TIAM2: variants seen among roughly 807,000 people sequenced by gnomAD.
The protein encoded by TIAM2 is rho guanine nucleotide exchange factor TIAM2.
TIAM2 carries 80 observed loss-of-function variants against 152.9 expected under a neutral mutation model. The observed-to-expected ratio is 0.52, with a 90% CI of 0.44 to 0.63. The LOEUF (loss-of-function observed/expected upper bound fraction) is 0.63. TIAM2 is among the 30% of genes least tolerant of loss of function. TIAM2 has a pLI of 0.00. For missense variants in TIAM2, 1,965 were observed against 2,120.1 expected, an observed-to-expected ratio of 0.93 and a Z score of 1.44; for synonymous variants, 804 against 838.0, an observed-to-expected ratio of 0.96 and a Z score of 0.70.
intron 2 of TIAM2, among the ~76,000 whole-genome samples, chr6:155,110,168 G>A (rs1326055288): frequency 6.6e-6 from 1 of 151,770 alleles, no homozygotes; most frequent in Non-Finnish European, 1.5e-5. Flanking sequence ...GGCCAGGCTG[G>A]TCTTGAACTC....
intron 1 of TIAM2, 99 bp from the exon 2 acceptor site, chr6:155,090,190 A>C (rs1778270161): frequency 6.6e-6 from 1 of 152,226 alleles, no homozygotes; most frequent in Admixed American, 6.5e-5. Flanking sequence ...ATCAAGCCCA[A>C]GATACAACAG....
At chr6:155,135,421 C>T (rs1460142161) in intron 4 of TIAM2, among the ~76,000 whole-genome samples, 2 of 152,126 alleles carry the variant, frequency 1.3e-5, no homozygotes, top group South Asian at 2.1e-4. Context: ...TAATCAAAAG[C>T]CCACTAGCAG....
chr6:155,161,047 AG>A (rs1387194104), intron 7 of TIAM2, among the ~76,000 whole-genome samples: 1 of 152,182 alleles, frequency 6.6e-6, no homozygotes, highest in Admixed American at 6.5e-5. Context: ...AACAAACCTA[AG>A]CATCTGGGTC....
rs1382751482 is a variant in TIAM2 at position 155,027,863 on chromosome 6, T to C, written c.-209+32371T>C. ...TATATATAATATATGTACTGTGTTA[T>C]ATACTATATAATATATGTACTGTGT... On this transcript the variant is annotated intron_variant, in intron 1 of 26. Coordinates refer to ENST00000682666, the MANE Select transcript of TIAM2 (RefSeq NM_012454.4). Among the ~76,000 whole-genome samples the C allele has an allele frequency of 2.9e-5, 3 of 104,174 alleles. 1 individual carries two copies. The highest frequency in any genetic ancestry group is 5.4e-5 in the Non-Finnish European group (3 of 55,172). The allele number at this position is 104,174 out of a possible 152,430, so 68.3% of individuals were successfully genotyped here.
At chr6:155,206,837 G>T (rs1378196968) in intron 14 of TIAM2, among the ~76,000 whole-genome samples, 1 of 152,132 alleles carries the variant, frequency 6.6e-6, no homozygotes, top group Non-Finnish European at 1.5e-5. Context: ...AGACAAAAGG[G>T]TATATTAACC....
At position 155,144,824 on chromosome 6, in the gene TIAM2, T is replaced by C. The variant is rs771203307; in HGVS notation, c.1803+46T>C. On this transcript the variant is annotated intron_variant, in intron 6 of 26. Coordinates refer to ENST00000682666, the MANE Select transcript of TIAM2 (RefSeq NM_012454.4). ...GTGGAGGTAATAGCTTATGTACTGC[T>C]AGAATAAGAAGGAACAGAAAAGGCA... 5.2e-6 allele frequency: 8 copies of C among 1,541,596 alleles called. No homozygotes were observed. In the East Asian group the frequency reaches 1.9e-4, roughly 37 times the overall value.
At chr6:155,080,324 G>A (rs1778035687) in intron 1 of TIAM2, among the ~76,000 whole-genome samples, 1 of 151,940 alleles carries the variant, frequency 6.6e-6, no homozygotes, top group Non-Finnish European at 1.5e-5. Context: ...TACGGAGAGT[G>A]CTTAAGAGAG....
At chr6:155,116,401 A>G (rs1347069330) in intron 2 of TIAM2, among the ~76,000 whole-genome samples, 2 of 145,438 alleles carry the variant, frequency 1.4e-5, no homozygotes, top group South Asian at 2.1e-4. Context: ...TGACTCTCAA[A>G]CAAGGCAAAA....
intron 1 of TIAM2, among the ~76,000 whole-genome samples, chr6:155,046,587 G>A (rs1777181747): frequency 1.3e-5 from 2 of 151,998 alleles, no homozygotes; most frequent in South Asian, 2.1e-4. Flanking sequence ...CATCCACCTC[G>A]GCCTCCCAAA....
At chr6:155,171,707 C>CAT (rs920557784) in intron 9 of TIAM2, among the ~76,000 whole-genome samples, 2 of 152,124 alleles carry the variant, frequency 1.3e-5, no homozygotes, top group African/African-American at 4.8e-5. Flanking sequence ...CCCTACATAG[C>CAT]ATATATATAT....
At position 155,245,688 on chromosome 6, in the gene TIAM2, A is replaced by G. The variant is rs1783276937; in HGVS notation, c.3609A>G (p.Gly1203=). The change falls in exon 19 of 27, where the codon GGA becomes GGG. Residue 1203 remains glycine (G), a synonymous_variant. Transcript: ENST00000682666. ...CGGACCACTTTAAACTGTACAGTGG[A>G]TTCTGTGCTAACCATATCAAAGTAC... is the stretch of plus-strand genomic sequence containing the variant. ...YYADHFKLYS[G]FCANHIKVQK... is the part of the protein sequence containing the mutation. 3.1e-6 allele frequency: 5 copies of G among 1,610,428 alleles called. No individual in the cohort carries two copies. The highest frequency in any genetic ancestry group is 1.7e-5 in the Admixed American group (1 of 59,822).
At position 155,256,921 on chromosome 6, in the gene TIAM2, A is replaced by G; in HGVS notation, c.4906A>G (p.Lys1636Glu). ...KLVRGHFCPI[K>E]RKANSTKRDR... ...GGTCCGGGGGCACTTCTGCCCCATT[A>G]AACGAAAAGCCAACAGCACCAAGAG... Residue 1636 changes from lysine to glutamate, a missense_variant, in exon 27 of 27, where the codon AAA becomes GAA. Lys to Glu is a moderately conservative substitution (Grantham distance 56, BLOSUM62 1). Around this residue, in one of 3 missense-constraint regions of TIAM2, gnomAD observed 935 missense variants for 980.0 expected, o/e 0.95. Transcript: ENST00000682666. 2 of 1,614,180 alleles carry G rather than the reference A, an allele frequency of 1.2e-6. No homozygotes were observed. Among genetic ancestry groups the G allele is most frequent in the Non-Finnish European group, 1.7e-6 (2 of 1,180,042 alleles).
chr6:155,196,500 C>T (rs1583243315), intron 14 of TIAM2, among the ~76,000 whole-genome samples: 1 of 151,992 alleles, frequency 6.6e-6, no homozygotes, highest in African/African-American at 2.4e-5. Flanking sequence ...TGTTGGGAAG[C>T]GGGAGTTACT....
At chr6:155,061,818 T>G (rs987401313) in intron 1 of TIAM2, among the ~76,000 whole-genome samples, 3 of 152,346 alleles carry the variant, frequency 2.0e-5, no homozygotes, top group African/African-American at 7.2e-5. Flanking sequence ...AGTCTAGGAT[T>G]GATTTTTTAA....
chr6:155,163,154 G>A (rs911658210), intron 7 of TIAM2, among the ~76,000 whole-genome samples: 8 of 152,124 alleles, frequency 5.3e-5, no homozygotes, highest in South Asian at 2.1e-4. Context: ...GGATCTGTCT[G>A]GGTGCTCAGC....
intron 2 of TIAM2, among the ~76,000 whole-genome samples, chr6:155,117,275 A>C (rs1194992804): frequency 8.5e-6 from 1 of 118,302 alleles, no homozygotes; most frequent in Non-Finnish European, 1.6e-5. Flanking sequence ...TTTTGCTTGA[A>C]AGTGTGTGTG....
intron 15 of TIAM2, among the ~76,000 whole-genome samples, chr6:155,226,265 T>C (rs1024148260): frequency 9.9e-5 from 15 of 152,228 alleles, no homozygotes; most frequent in Non-Finnish European, 1.9e-4. Flanking sequence ...GAAGGTGTCA[T>C]AAGATACTAA....
intron 2 of TIAM2, among the ~76,000 whole-genome samples, chr6:155,126,961 A>G (rs1214097324): frequency 1.3e-5 from 2 of 152,166 alleles, no homozygotes; most frequent in African/African-American, 4.8e-5. Flanking sequence ...GCCCTGCCTT[A>G]TCCCTCAGAG....
intron 15 of TIAM2, among the ~76,000 whole-genome samples, chr6:155,230,423 C>A (rs1228954738): frequency 6.6e-6 from 1 of 152,212 alleles, no homozygotes; most frequent in Non-Finnish European, 1.5e-5. Flanking sequence ...CTGTTCCTGT[C>A]CTTGCTTCAA....
Sources: allele counts gnomAD v4.1 joint callset (sites outside exome capture counted in the v4.1 genomes callset), GRCh38; gene constraint gnomAD v4.1.1; regional missense constraint gnomAD v4.1.1; transcripts MANE v1.5; gene names NCBI Gene and HGNC (gene_info 2026-07-23, HGNC 2026-07-21).